Variants in PDGFRL observed in about 807,000 individuals in gnomAD.
The protein encoded by PDGFRL is platelet-derived growth factor receptor-like protein.
Under a neutral mutation model 37.2 loss-of-function variants are expected in PDGFRL, and 46 were observed. That is an observed-to-expected ratio of 1.24 (90% CI 0.98 to 1.58). The LOEUF is 1.58. Ranked by LOEUF, PDGFRL falls within the 40% of genes most tolerant of loss-of-function variation. The pLI, the probability that PDGFRL is intolerant of heterozygous loss-of-function variation, is 0.00. For synonymous variants in PDGFRL, 251 were observed against 184.3 expected, an observed-to-expected ratio of 1.36 and a Z score of -2.93; for missense variants, 692 against 467.6, an observed-to-expected ratio of 1.48 and a Z score of -4.43.
At chr8:17,625,666 T>C (rs987991919) in intron 3 of PDGFRL, among the ~76,000 whole-genome samples, 7 of 152,182 alleles carry the variant, frequency 4.6e-5, no homozygotes, top group Non-Finnish European at 5.9e-5. Context: ...GTATGTATTA[T>C]AGTATAAGAA....
intron 3 of PDGFRL, among the ~76,000 whole-genome samples, chr8:17,621,814 C>G (rs1214367296): frequency 2.0e-5 from 3 of 152,082 alleles, no homozygotes; most frequent in African/African-American, 7.2e-5. Flanking sequence ...CTAAAGACCT[C>G]CCATTTGTCC....
chr8:17,624,873 C>T (rs183641828), intron 3 of PDGFRL, among the ~76,000 whole-genome samples: 37 of 152,294 alleles, frequency 2.4e-4, no homozygotes, highest in African/African-American at 8.7e-4. Flanking sequence ...CGAGATGGCA[C>T]CACTGCATTC....
chr8:17,614,787 A>T (rs540359443), intron 2 of PDGFRL, among the ~76,000 whole-genome samples: 1 of 152,014 alleles, frequency 6.6e-6, no homozygotes, highest in Admixed American at 6.6e-5. Context: ...TCTTTTTCCA[A>T]CAGAGGCAGC....
chr8:17,579,058 C>A (rs939304973), intron 1 of PDGFRL, among the ~76,000 whole-genome samples: 2 of 151,896 alleles, frequency 1.3e-5, no homozygotes, highest in African/African-American at 4.8e-5. Flanking sequence ...ATTAGCCGGG[C>A]GTGGTGGTGG....
chr8:17,578,399 C>T (rs2588164), intron 1 of PDGFRL, among the ~76,000 whole-genome samples: 33,918 of 152,074 alleles, frequency 0.22, 4,257 homozygotes, highest in South Asian at 0.35. Context: ...CCAAGATAGT[C>T]GTGGTACTTG....
At chr8:17,612,177 G>C (rs1202573599) in intron 2 of PDGFRL, among the ~76,000 whole-genome samples, 1 of 152,150 alleles carries the variant, frequency 6.6e-6, no homozygotes, top group Non-Finnish European at 1.5e-5. Flanking sequence ...CCTGCCTGTT[G>C]GAAATTCACA....
intron 2 of PDGFRL, among the ~76,000 whole-genome samples, chr8:17,597,048 T>G (rs1804069099): frequency 6.6e-6 from 1 of 152,170 alleles, no homozygotes. Context: ...TTTGGCAAAG[T>G]CTTGCTCTGT....
chr8:17,642,557 G>A (rs1805157375), intron 5 of PDGFRL, 56 bp from the exon 6 acceptor site: 2 of 1,042,890 alleles, frequency 1.9e-6, no homozygotes, highest in Admixed American at 3.6e-5. Flanking sequence ...GTGAGTGGGA[G>A]CTCTTTATAG....
At chr8:17,629,757 A>G (rs1031665468) in intron 4 of PDGFRL, among the ~76,000 whole-genome samples, 14 of 152,092 alleles carry the variant, frequency 9.2e-5, no homozygotes, top group African/African-American at 3.4e-4. Context: ...CAATGTGAAC[A>G]TGTCAACCAC....
chr8:17,577,436 T>A, intron 1 of PDGFRL, 129 bp downstream of exon 1: 1 of 770,694 alleles, frequency 1.3e-6, no homozygotes, highest in Non-Finnish European at 2.2e-6. Context: ...CCCGCGCCAC[T>A]GCCTGCCCGG....
chr8:17,607,243 C>G (rs569112826), intron 2 of PDGFRL, among the ~76,000 whole-genome samples: 2 of 152,074 alleles, frequency 1.3e-5, no homozygotes, highest in Non-Finnish European at 2.9e-5. Flanking sequence ...CTCACTGATG[C>G]TCATACTAAT....
At chr8:17,597,195 A>T (rs1490429678) in intron 2 of PDGFRL, among the ~76,000 whole-genome samples, 1 of 152,074 alleles carries the variant, frequency 6.6e-6, no homozygotes, top group African/African-American at 2.4e-5. Context: ...TAATTTTTGT[A>T]TTTTAAGTAG....
chr8:17,636,879 A>C (rs527429714), intron 5 of PDGFRL, among the ~76,000 whole-genome samples: 4 of 152,184 alleles, frequency 2.6e-5, no homozygotes, highest in African/African-American at 9.6e-5. Flanking sequence ...TGCAGCTATT[A>C]TAAAAGGGGT....
chr8:17,612,916 CTA>C (rs201999301), intron 2 of PDGFRL, among the ~76,000 whole-genome samples: 1,511 of 150,394 alleles, frequency 0.01, 11 homozygotes, highest in Middle Eastern at 0.021. Context: ...TCAAAATATT[CTA>C]TCTCTTTTAT....
At chr8:17,581,680 G>C (rs1459586307) in intron 1 of PDGFRL, among the ~76,000 whole-genome samples, 4 of 152,126 alleles carry the variant, frequency 2.6e-5, no homozygotes, top group African/African-American at 7.2e-5. Flanking sequence ...TCCTCCCACC[G>C]CACCATGTGA....
At chr8:17,622,219 A>C (rs1804649175) in intron 3 of PDGFRL, among the ~76,000 whole-genome samples, 1 of 152,194 alleles carries the variant, frequency 6.6e-6, no homozygotes, top group Non-Finnish European at 1.5e-5. Flanking sequence ...TAAGTTCTGA[A>C]GTTTAGGGGA....
At chr8:17,598,446 G>A (rs1804098721) in intron 2 of PDGFRL, among the ~76,000 whole-genome samples, 1 of 152,156 alleles carries the variant, frequency 6.6e-6, no homozygotes, top group African/African-American at 2.4e-5. Context: ...AACAATGTCT[G>A]ACACATACCA....
chr8:17,590,886 TAA>T (rs1486761785), intron 2 of PDGFRL, among the ~76,000 whole-genome samples: 1 of 88,032 alleles, frequency 1.1e-5, no homozygotes, highest in African/African-American at 3.3e-5. Flanking sequence ...TTATTATTAT[TAA>T]TTTTTTTTTT....
intron 2 of PDGFRL, 87 bp downstream of exon 2, chr8:17,589,852 C>G (rs965505133): frequency 1.3e-6 from 1 of 780,272 alleles, no homozygotes; most frequent in Non-Finnish European, 2.1e-6. Flanking sequence ...CACATTGTTT[C>G]TGACATGTTC....
Sources: gnomAD v4.1 joint callset for allele counts (sites outside exome capture counted in the v4.1 genomes callset) on GRCh38, gnomAD v4.1.1 for gene constraint, MANE v1.5 for transcripts, NCBI Gene and HGNC (gene_info 2026-07-23, HGNC 2026-07-21) for gene names.